ZNF395: variants seen among roughly 807,000 people sequenced by gnomAD.
ZNF395 encodes HD gene regulatory region-binding protein 2.
A neutral mutation model predicts 57.7 loss-of-function variants in ZNF395; 20 were observed. The ratio of observed to expected loss-of-function variants is 0.35; its 90% confidence interval spans 0.24 to 0.50. The LOEUF (loss-of-function observed/expected upper bound fraction) is 0.50. Among genes scored for constraint, ZNF395 ranks in the 20% least tolerant of loss-of-function variants. The pLI is 0.97. For missense variants in ZNF395, 606 were observed against 671.2 expected (o/e 0.90, Z 1.07); for synonymous variants, 295 against 275.9 (o/e 1.07, Z -0.69).
chr8:28,379,842 T>TAAAA (rs748360582), intron 1 of ZNF395, among the ~76,000 whole-genome samples: 1 of 123,978 alleles, frequency 8.1e-6, no homozygotes, highest in African/African-American at 3.5e-5. Context: ...ATACAAACGT[T>TAAAA]AAAAAAAAAA....
chr8:28,370,445 G>A (rs1013566359), intron 1 of ZNF395, among the ~76,000 whole-genome samples: 2 of 152,218 alleles, frequency 1.3e-5, no homozygotes, highest in East Asian at 3.8e-4. Context: ...CAATAACTGT[G>A]GGCATGAGAA....
intron 1 of ZNF395, among the ~76,000 whole-genome samples, chr8:28,363,242 C>G (rs1029796101): frequency 5.9e-5 from 9 of 152,034 alleles, no homozygotes; most frequent in Admixed American, 6.5e-5. Context: ...AGCAATTCTC[C>G]TACCTCAGCC....
intron 1 of ZNF395, among the ~76,000 whole-genome samples, chr8:28,384,525 C>G (rs1802147268): frequency 6.6e-6 from 1 of 152,218 alleles, no homozygotes; most frequent in Non-Finnish European, 1.5e-5. Context: ...ATGCTGACAT[C>G]CTTCTGTCCC....
intron 4 of ZNF395, among the ~76,000 whole-genome samples, chr8:28,354,530 AATCAGGG>A (rs1191280347): frequency 2.0e-5 from 3 of 152,102 alleles, no homozygotes. Flanking sequence ...CTTCAATGCT[AATCAGGG>A]ATCTACCCGG....
At position 28,369,710 on chromosome 8, in the gene ZNF395, G is replaced by A. The variant is rs1801954713; in HGVS notation, c.-58-8528C>T. On this transcript the variant is annotated intron_variant, in intron 1 of 9. Coordinates refer to ENST00000344423, the MANE Select transcript of ZNF395 (RefSeq NM_018660.3). Reference sequence around the variant, plus strand: ...CAGGTGGGGCCTGGCCAGCCTCTGGGAGCTAATCCCGCCCACACGGGTGGG... The same window carrying A: ...CAGGTGGGGCCTGGCCAGCCTCTGGAAGCTAATCCCGCCCACACGGGTGGG... 2.0e-5 allele frequency among the ~76,000 whole-genome samples: 3 copies of A among 152,360 alleles called. No individual in the cohort carries two copies. The South Asian group carries it at 6.2e-4, about 32-fold the overall frequency.
In ZNF395 at chr8:28,351,625, G is replaced by A. The variant is rs767855589; in HGVS notation, c.1103C>T (p.Pro368Leu). 5.6e-6 allele frequency: 9 copies of A among 1,613,532 alleles called. No individual in the cohort carries two copies. Among genetic ancestry groups the A allele is most frequent in the Non-Finnish European group, 7.6e-6 (9 of 1,180,032 alleles). ...SMTGLPLSAL[P>L]PPLHKAQSSG... is the part of the protein sequence containing the mutation. Reference sequence around the variant, plus strand: ...GGACTGGGCTTTGTGCAGAGGTGGTGGAAGAGCAGACAGAGGCAGGCCAGT... The same window carrying A: ...GGACTGGGCTTTGTGCAGAGGTGGTAGAAGAGCAGACAGAGGCAGGCCAGT... The change falls in exon 7 of 10, where the codon CCA becomes CTA. Residue 368 changes from proline to leucine, a missense_variant. By Grantham distance (98) the Pro-to-Leu change is moderately conservative (BLOSUM62 -3). Coordinates refer to ENST00000344423, the MANE Select transcript of ZNF395 (RefSeq NM_018660.3).
In ZNF395 at chr8:28,350,087, A is replaced by G. The variant is rs763455798; in HGVS notation, c.1303T>C (p.Ser435Pro). The G allele has an allele frequency of 1.9e-6, 3 of 1,605,434 alleles. No individual in the cohort carries two copies. Among genetic ancestry groups the G allele is most frequent in the Admixed American group, 1.7e-5 (1 of 58,444 alleles). Residue 435 changes from serine (S) to proline (P), a missense_variant, in exon 8 of 10, where the codon TCC (serine) becomes CCC (proline). Physicochemically the swap from Ser to Pro is moderately conservative, Grantham distance 74 (BLOSUM62 -1). This residue lies in a region of ZNF395 where 261 missense variants were observed against 240.3 expected (regional missense o/e 1.09). Coordinates refer to ENST00000344423, the MANE Select transcript of ZNF395 (RefSeq NM_018660.3). Reference sequence around the variant, plus strand: ...ACCGGAGAGAGAGAGCAGGCGGCGGAGGGGGCAGCAGCCCAGCTGACACTG... The same window carrying G: ...ACCGGAGAGAGAGAGCAGGCGGCGGGGGGGGCAGCAGCCCAGCTGACACTG... ...YTSVSWAAAP[S>P]AACSLSPVRS... is the part of the protein sequence containing the mutation.
intron 1 of ZNF395, among the ~76,000 whole-genome samples, chr8:28,375,538 A>G (rs1802030443): frequency 6.6e-6 from 1 of 152,180 alleles, no homozygotes; most frequent in South Asian, 2.1e-4. Context: ...ATCTGGGGTG[A>G]TGGAAATGTT....
At chr8:28,383,300 G>A (rs1457554299) in intron 1 of ZNF395, among the ~76,000 whole-genome samples, 2 of 152,028 alleles carry the variant, frequency 1.3e-5, no homozygotes, top group African/African-American at 4.8e-5. Flanking sequence ...TGTCACCCTT[G>A]CAACATGAAC....
intron 1 of ZNF395, among the ~76,000 whole-genome samples, chr8:28,371,973 T>C (rs974085539): frequency 5.3e-5 from 8 of 151,970 alleles, no homozygotes; most frequent in African/African-American, 1.7e-4. Context: ...TGCTTGTACC[T>C]AGGAGGTTGC....
chr8:28,353,050 G>A (rs941845133), intron 5 of ZNF395, 123 bp downstream of exon 5: 12 of 860,752 alleles, frequency 1.4e-5, no homozygotes, highest in Middle Eastern at 6.8e-4. Flanking sequence ...ATAAAAAACC[G>A]AAATGGGAGT....
chr8:28,358,058 A>G (rs890150632), intron 3 of ZNF395, among the ~76,000 whole-genome samples: 4 of 152,034 alleles, frequency 2.6e-5, no homozygotes, highest in Admixed American at 6.6e-5. Context: ...TGTGGACCCA[A>G]TGTAGCCTGC....
intron 8 of ZNF395, 92 bp downstream of exon 8, chr8:28,349,972 T>A (rs1211097645): frequency 1.7e-6 from 2 of 1,183,444 alleles, no homozygotes; most frequent in Non-Finnish European, 2.3e-6. Flanking sequence ...TGTGGCCACG[T>A]GCCCCGTGCC....
intron 4 of ZNF395, among the ~76,000 whole-genome samples, chr8:28,355,473 A>T (rs1027418962): frequency 2.0e-5 from 3 of 151,732 alleles, no homozygotes; most frequent in African/African-American, 7.3e-5. Context: ...AAAGGGACTT[A>T]AAATTGTCAG....
intron 1 of ZNF395, among the ~76,000 whole-genome samples, chr8:28,367,660 T>G (rs902646374): frequency 2.0e-5 from 3 of 152,188 alleles, no homozygotes; most frequent in Admixed American, 6.5e-5. Flanking sequence ...CACGACTCTC[T>G]GGAGTTCACA....
At chr8:28,375,059 T>C (rs1031827038) in intron 1 of ZNF395, among the ~76,000 whole-genome samples, 1 of 152,102 alleles carries the variant, frequency 6.6e-6, no homozygotes, top group Admixed American at 6.6e-5. Flanking sequence ...ACCCCCTGCC[T>C]CCTCCTCAAA....
chr8:28,352,091 C>G lies in ZNF395; in HGVS notation c.921-284G>C, dbSNP rs764262574. On this transcript the variant is annotated intron_variant, in intron 6 of 9. Coordinates refer to ENST00000344423, the MANE Select transcript of ZNF395 (RefSeq NM_018660.3). The surrounding 1 kb of genome is among the most constrained non-coding windows in gnomAD (Gnocchi z 4.0). ...TCCCACACTGAGCACGACCACGAGC[C>G]CTCTCTGGGCCCCACCTGCCTGCAG... is the stretch of plus-strand genomic sequence containing the variant. 2.0e-5 allele frequency among the ~76,000 whole-genome samples: 3 copies of G among 152,212 alleles called. No homozygotes were observed. The highest frequency in any genetic ancestry group is 4.4e-5 in the Non-Finnish European group (3 of 68,032).
chr8:28,360,967 G>C lies in ZNF395; in HGVS notation c.158C>G (p.Pro53Arg). 3.1e-6 allele frequency: 5 copies of C among 1,613,606 alleles called. No individual in the cohort carries two copies. The highest frequency in any genetic ancestry group is 4.2e-6 in the Non-Finnish European group (5 of 1,179,774). Residue 53 changes from proline (P) to arginine (R), a missense_variant, in exon 2 of 10, where the codon CCC becomes CGC. Physicochemically the swap from Pro to Arg is moderately radical, Grantham distance 103. Transcript: ENST00000344423. ...GACTTCCTTGGGCTGCTCCTGGCAG[G>C]GGGTGTCATCAGAGGTGGTGAAAGG... Reference protein sequence around the residue: ...PQPFTTSDDTPCQEQPKEVLK... With the variant: ...PQPFTTSDDTRCQEQPKEVLK...
At chr8:28,372,133 C>T (rs144037622) in intron 1 of ZNF395, among the ~76,000 whole-genome samples, 184 of 152,228 alleles carry the variant, frequency 1.2e-3, no homozygotes, top group African/African-American at 3.9e-3. Context: ...AGTTTCCTCA[C>T]GTGCAAAATG....
Sources: gnomAD v4.1 joint callset for allele counts (sites outside exome capture counted in the v4.1 genomes callset) on GRCh38, gnomAD v4.1.1 for gene constraint, gnomAD v4.1.1 regional missense constraint, Gnocchi (gnomAD v3.1) non-coding constraint, MANE v1.5 for transcripts, NCBI Gene and HGNC (gene_info 2026-07-23, HGNC 2026-07-21) for gene names.